Variants in ZBP1 observed in about 807,000 individuals in gnomAD.
The protein encoded by ZBP1 is Z-DNA-binding protein 1.
In ZBP1, 42 loss-of-function variants were observed where a neutral mutation model predicts 41.1. That is an observed-to-expected ratio of 1.02 (90% CI 0.80 to 1.32). The LOEUF (loss-of-function observed/expected upper bound fraction) is 1.32, where lower values mean the gene tolerates loss of function less well. ZBP1 is among the 40% of genes most tolerant of loss of function. The pLI, the probability that ZBP1 is intolerant of heterozygous loss-of-function variation, is 0.00. For missense variants in ZBP1, 562 were observed against 549.7 expected, an observed-to-expected ratio of 1.02 and a Z score of -0.22; for synonymous variants, 214 against 205.2, an observed-to-expected ratio of 1.04 and a Z score of -0.37.
Position 57,615,593 on chromosome 20 carries a change from AG to A in ZBP1, c.260-14del. 1 of 1,612,010 alleles carries A rather than the reference AG, an allele frequency of 6.2e-7. No homozygotes were observed. Among genetic ancestry groups the A allele is most frequent in the Non-Finnish European group, 8.5e-7 (1 of 1,179,060 alleles). On this transcript the variant is annotated splice_polypyrimidine_tract_variant and intron_variant, in intron 2 of 7. Transcript: ENST00000371173. Reference sequence around the variant, plus strand: ...TGGGGCCTCTCGGCTGCAGAAAGAAAGATGGGTCAGAGGGGTGGGGGACAGA... The same window carrying A: ...TGGGGCCTCTCGGCTGCAGAAAGAAAATGGGTCAGAGGGGTGGGGGACAGA...
Position 57,611,844 on chromosome 20 carries a change from C to G in ZBP1, c.757G>C (p.Asp253His). ...GTLVDPWGPQ[D>H]IHMEQSILRR... ...AGTATGGACTGCTCCATGTGGATGT[C>G]CTGGGGCCCCCAGGGATCAACTAGG... The change falls in exon 6 of 8, where the codon GAC becomes CAC. Residue 253 changes from aspartate (D) to histidine (H), a missense_variant. Asp to His is a moderately conservative substitution (Grantham distance 81). Transcript: ENST00000371173. 2 of 1,599,734 alleles carry G rather than the reference C, an allele frequency of 1.3e-6. No individual in the cohort carries two copies. Among genetic ancestry groups the G allele is most frequent in the Non-Finnish European group, 1.7e-6 (2 of 1,173,202 alleles).
chr20:57,604,625 T>C lies in ZBP1; in HGVS notation c.1238A>G (p.His413Arg), dbSNP rs750055348. 2 of 1,614,096 alleles carry C rather than the reference T, an allele frequency of 1.2e-6. No homozygotes were observed. The highest frequency in any genetic ancestry group is 2.7e-5 in the African/African-American group (2 of 74,926). ...CTCGTGTGAGGCTTCATCCACATAG[T>C]GGCTGCCTTCTGCAGCTTTGTGACT... The part of the protein sequence containing the change: ...NRSHKAAEGS[H>R]YVDEASHEGS... Residue 413 changes from histidine to arginine, a missense_variant, in exon 8 of 8, where the codon CAC becomes CGC. By Grantham distance (29) the His-to-Arg change is conservative. Transcript: ENST00000371173.
chr20:57,612,812 T>C, intron 5 of ZBP1: 1 of 837,022 alleles, frequency 1.2e-6, no homozygotes, highest in Non-Finnish European at 1.6e-6. Context: ...GAAAGGCAAT[T>C]GAGTTGTTTC....
intron 3 of ZBP1, 199 bp downstream of exon 3, chr20:57,615,313 G>A (rs1568937677): frequency 1.4e-6 from 1 of 705,692 alleles, no homozygotes; most frequent in Non-Finnish European, 2.4e-6. Context: ...TTGTCTGACT[G>A]GAGAAATCAC....
chr20:57,619,634 G>GT (rs1425713980), intron 1 of ZBP1, among the ~76,000 whole-genome samples: 1 of 152,142 alleles, frequency 6.6e-6, no homozygotes, highest in Non-Finnish European at 1.5e-5. Flanking sequence ...TGTGACATGG[G>GT]TGTTCAGACG....
intron 7 of ZBP1, among the ~76,000 whole-genome samples, chr20:57,605,912 C>G (rs1397881038): frequency 6.6e-6 from 1 of 151,942 alleles, no homozygotes; most frequent in Non-Finnish European, 1.5e-5. Flanking sequence ...CCAGCCTAGA[C>G]AACGAGAGCA....
At position 57,610,524 on chromosome 20, in the gene ZBP1, C is replaced by CCGCCA. The variant is rs2146568891; in HGVS notation, c.875-162_875-158dup. 1 of 681,922 alleles carries CCGCCA rather than the reference C, an allele frequency of 1.5e-6. No individual in the cohort carries two copies. Among genetic ancestry groups the CCGCCA allele is most frequent in the African/African-American group, 1.8e-5 (1 of 55,882 alleles). The allele number at this position is 681,922 out of a possible 1,614,324, so 42.2% of individuals were successfully genotyped here. The stretch of plus-strand genomic sequence containing the variant: ...CTGTGCCTGCCCGCCACACCTCCAC[C>CCGCCA]CGCCACACCTCCGCTCGTGCTGTTG... On this transcript the variant is annotated intron_variant, in intron 6 of 7. Transcript: ENST00000371173. The surrounding 1 kb of genome is among the most constrained non-coding windows in gnomAD (Gnocchi z 5.5).
chr20:57,606,482 C>T (rs2070500614), intron 7 of ZBP1, among the ~76,000 whole-genome samples: 2 of 152,200 alleles, frequency 1.3e-5, no homozygotes, highest in African/African-American at 2.4e-5. Flanking sequence ...CATTGATGAG[C>T]GTGACTACAC....
chr20:57,614,303 T>A (rs112217051), intron 4 of ZBP1, among the ~76,000 whole-genome samples: 5 of 152,300 alleles, frequency 3.3e-5, no homozygotes, highest in African/African-American at 1.2e-4. Flanking sequence ...AGTGCTAGGA[T>A]TACAGGCGTG....
intron 4 of ZBP1, among the ~76,000 whole-genome samples, chr20:57,614,490 C>G (rs76569805): frequency 0.032 from 4,875 of 152,168 alleles, 269 homozygotes; most frequent in African/African-American, 0.11. Flanking sequence ...CTGCGCTGAC[C>G]CTGGGGCTCC....
In ZBP1 at chr20:57,611,846, T is replaced by C; in HGVS notation, c.755A>G (p.Gln252Arg). The stretch of plus-strand genomic sequence containing the variant: ...TATGGACTGCTCCATGTGGATGTCC[T>C]GGGGCCCCCAGGGATCAACTAGGGT... ...WGTLVDPWGPQDIHMEQSILR... is the reference protein window; with the variant it reads ...WGTLVDPWGPRDIHMEQSILR... The change falls in exon 6 of 8, where the codon CAG becomes CGG. Residue 252 changes from glutamine (Q) to arginine (R), a missense_variant. By Grantham distance (43) the Gln-to-Arg change is conservative. Coordinates refer to ENST00000371173, the MANE Select transcript of ZBP1 (RefSeq NM_030776.3). 2 of 1,599,718 alleles carry C rather than the reference T, an allele frequency of 1.3e-6. No individual in the cohort carries two copies. Among genetic ancestry groups the C allele is most frequent in the African/African-American group, 1.3e-5 (1 of 74,884 alleles).
Position 57,610,362 on chromosome 20 carries a change from C to A in ZBP1, c.880G>T (p.Ala294Ser), listed in dbSNP as rs770376452. The change falls in exon 7 of 8, where the codon GCC becomes TCC. Residue 294 changes from alanine to serine, a missense_variant. Physicochemically the swap from Ala to Ser is moderately conservative, Grantham distance 99. Transcript: ENST00000371173. The surrounding 1 kb of genome is among the most constrained non-coding windows in gnomAD (Gnocchi z 5.5). ...GAAGCTTCTGGGCCGGCAGCAGTGGCAGAGACTGTGGGTCAAAGGGAGAGA... is the reference window on the plus strand; with the variant it reads ...GAAGCTTCTGGGCCGGCAGCAGTGGAAGAGACTGTGGGTCAAAGGGAGAGA... ...HIPPGSPPVSATAAGPEASFE... is the reference protein window; with the variant it reads ...HIPPGSPPVSSTAAGPEASFE... The A allele has an allele frequency of 1.2e-6, 2 of 1,614,150 alleles. No homozygotes were observed. Among genetic ancestry groups the A allele is most frequent in the Non-Finnish European group, 1.7e-6 (2 of 1,180,000 alleles).
Position 57,614,398 on chromosome 20 carries a change from A to C in ZBP1, c.502+489T>G, listed in dbSNP as rs138582000. ...GATTTTAAATGAAATTAAAATTAAAACATTTTCAAGGACCCCTGAGAATGC... is the reference window on the plus strand; with the variant it reads ...GATTTTAAATGAAATTAAAATTAAACCATTTTCAAGGACCCCTGAGAATGC... On this transcript the variant is annotated intron_variant, in intron 4 of 7. Coordinates refer to ENST00000371173, the MANE Select transcript of ZBP1 (RefSeq NM_030776.3). Among the ~76,000 whole-genome samples, 732 of 152,218 alleles carry C rather than the reference A, an allele frequency of 4.8e-3. 6 individuals are homozygous for C. Among genetic ancestry groups the C allele is most frequent in the African/African-American group, 0.017 (703 of 41,522 alleles).
Position 57,613,897 on chromosome 20 carries a change from C to T in ZBP1, c.503-567G>A, listed in dbSNP as rs559149687. On this transcript the variant is annotated intron_variant, in intron 4 of 7. Transcript: ENST00000371173. The surrounding 1 kb of genome is among the most constrained non-coding windows in gnomAD (Gnocchi z 4.5). ...AGCCCTGCAGAGGTTGAGGCAGGCA[C>T]CTGCCCAGACTGTGCGGGGCCCATC... Among the ~76,000 whole-genome samples the T allele has an allele frequency of 6.6e-6, 1 of 152,312 alleles. No individual in the cohort carries two copies. The highest frequency in any genetic ancestry group is 1.9e-4 in the East Asian group (1 of 5,188).
chr20:57,612,314 T>G (rs1161363590), intron 5 of ZBP1, among the ~76,000 whole-genome samples: 1 of 152,192 alleles, frequency 6.6e-6, no homozygotes, highest in Non-Finnish European at 1.5e-5. Context: ...TTTATGGTGT[T>G]TTTCATGATT....
intron 7 of ZBP1, among the ~76,000 whole-genome samples, chr20:57,605,326 C>T (rs1039810474): frequency 6.6e-6 from 1 of 152,194 alleles, no homozygotes; most frequent in African/African-American, 2.4e-5. Context: ...GCGAGTCTAT[C>T]AGTGCCAATT....
chr20:57,604,312 C>T lies in ZBP1; in HGVS notation c.*261G>A, dbSNP rs2070442001. ...AGTCCCCTGGGCCTGGGGGACCGAG[C>T]CCCACTCCCATCTACCCACCTCCTC... On this transcript the variant is annotated 3_prime_UTR_variant, in exon 8 of 8. Coordinates refer to ENST00000371173, the MANE Select transcript of ZBP1 (RefSeq NM_030776.3). 6.4e-6 allele frequency: 4 copies of T among 627,006 alleles called. No individual in the cohort carries two copies. Among genetic ancestry groups the T allele is most frequent in the Non-Finnish European group, 1.2e-5 (4 of 337,264 alleles). 38.8% of individuals were successfully genotyped at this position (627,006 alleles called of 1,614,324 possible). A position where few individuals can be genotyped will look rare whatever the true frequency, so the allele number is the denominator to read the frequency against.
At chr20:57,612,878 G>A (rs2070710696) in intron 5 of ZBP1, 1 of 1,313,224 alleles carries the variant, frequency 7.6e-7, no homozygotes, top group Non-Finnish European at 9.7e-7. Context: ...GCGCAACACA[G>A]AGATACCCCA....
intron 7 of ZBP1, chr20:57,606,915 T>G (rs1430809180): frequency 9.1e-7 from 1 of 1,102,874 alleles, no homozygotes; most frequent in Non-Finnish European, 1.1e-6. Flanking sequence ...AAAAAAATTT[T>G]TTTTTTACTA....
Sources: gnomAD v4.1 joint callset for allele counts (sites outside exome capture counted in the v4.1 genomes callset) on GRCh38, gnomAD v4.1.1 for gene constraint, Gnocchi (gnomAD v3.1) non-coding constraint, MANE v1.5 for transcripts, NCBI Gene and HGNC (gene_info 2026-07-23, HGNC 2026-07-21) for gene names.